PCDHGC4: variants seen among roughly 807,000 people sequenced by gnomAD.
The protein encoded by PCDHGC4 is protocadherin gamma-C4.
A neutral mutation model predicts 59.7 loss-of-function variants in PCDHGC4; 15 were observed. The observed-to-expected ratio is 0.25, with a 90% CI of 0.17 to 0.39. The LOEUF (loss-of-function observed/expected upper bound fraction) is 0.39, where lower values mean the gene tolerates loss of function less well. Among genes scored for constraint, PCDHGC4 ranks in the 10% least tolerant of loss-of-function variants. The pLI, the probability that PCDHGC4 is intolerant of heterozygous loss-of-function variation, is 1.00. For missense variants in PCDHGC4, 1,016 were observed against 1,189.5 expected (o/e 0.85, Z 2.15); for synonymous variants, 434 against 481.4 (o/e 0.90, Z 1.29).
At chr5:141,495,719 C>T (rs929450759) in intron 2 of PCDHGC4, among the ~76,000 whole-genome samples, 12 of 152,150 alleles carry the variant, frequency 7.9e-5, no homozygotes, top group African/African-American at 2.4e-5. Context: ...AGTAACTACA[C>T]GGGACCCTTA....
At chr5:141,510,358 C>T (rs186470331) in intron 3 of PCDHGC4, among the ~76,000 whole-genome samples, 187 of 144,062 alleles carry the variant, frequency 1.3e-3, no homozygotes, top group African/African-American at 4.6e-3. Context: ...ACTAACGGAA[C>T]TACCGAATCT....
At chr5:141,497,983 C>T (rs2099780927) in intron 2 of PCDHGC4, among the ~76,000 whole-genome samples, 1 of 152,168 alleles carries the variant, frequency 6.6e-6, no homozygotes, top group African/African-American at 2.4e-5. Context: ...GTGGGAGGCC[C>T]CTGCCCTCAA....
chr5:141,485,586 TG>T lies in PCDHGC4; in HGVS notation c.415del (p.Asp139ThrfsTer34). The T allele has an allele frequency of 6.2e-7, 1 of 1,612,402 alleles. No homozygotes were observed. Among genetic ancestry groups the T allele is most frequent in the Non-Finnish European group, 8.5e-7 (1 of 1,178,600 alleles). ...DHAPRFPRQQ[L>X]DLEIGEAAPP... Reference sequence around the variant, plus strand: ...GCCCCCCGTTTTCCGCGGCAGCAGCTGGACTTGGAAATTGGGGAGGCAGCTC... The same window carrying T: ...GCCCCCCGTTTTCCGCGGCAGCAGCTGACTTGGAAATTGGGGAGGCAGCTC... On this transcript the variant is annotated frameshift_variant, in exon 1 of 4. Coordinates refer to ENST00000306593, the MANE Select transcript of PCDHGC4 (RefSeq NM_018928.3). LOFTEE classifies it high-confidence loss of function. The surrounding 1 kb of genome is among the most constrained non-coding windows in gnomAD (Gnocchi z 5.7).
At chr5:141,503,263 C>T (rs2099818883) in intron 2 of PCDHGC4, among the ~76,000 whole-genome samples, 2 of 152,212 alleles carry the variant, frequency 1.3e-5, no homozygotes, top group South Asian at 4.2e-4. Context: ...GCCACAACCC[C>T]AGCACCTGGC....
Position 141,485,060 on chromosome 5 carries a change from G to T in PCDHGC4, c.-114G>T. The T allele has an allele frequency of 1.2e-6, 1 of 862,304 alleles. No individual in the cohort carries two copies. 53.4% of individuals were successfully genotyped at this position (862,304 alleles called of 1,614,324 possible). ...ACCCTTGCGGCGCCGGCCGAACCGC[G>T]CCAGAGCTGGCGCGGGGAAAGGGAG... On this transcript the variant is annotated 5_prime_UTR_variant, in exon 1 of 4. Coordinates refer to ENST00000306593, the MANE Select transcript of PCDHGC4 (RefSeq NM_018928.3). The surrounding 1 kb of genome is among the most constrained non-coding windows in gnomAD (Gnocchi z 5.7).
At chr5:141,496,509 C>A (rs955577717) in intron 2 of PCDHGC4, among the ~76,000 whole-genome samples, 3 of 152,168 alleles carry the variant, frequency 2.0e-5, no homozygotes, top group Non-Finnish European at 4.4e-5. Context: ...GCCACAAGGA[C>A]CCAGGAGCCC....
At position 141,491,682 on chromosome 5, in the gene PCDHGC4, G is replaced by A. The variant is rs11952292; in HGVS notation, c.2443-3125G>A. The A allele has an allele frequency of 1.9e-6, 3 of 1,613,150 alleles. No individual in the cohort carries two copies. Among genetic ancestry groups the A allele is most frequent in the South Asian group, 1.1e-5 (1 of 91,046 alleles). On this transcript the variant is annotated intron_variant, in intron 1 of 3. Coordinates refer to ENST00000306593, the MANE Select transcript of PCDHGC4 (RefSeq NM_018928.3). The surrounding 1 kb of genome is among the most constrained non-coding windows in gnomAD (Gnocchi z 6.9). Reference sequence around the variant, plus strand: ...ACGCCATCCGGTCCCGCTCTAATACGCTGCGGGAGCGGAGCCAGGTGAGGG... The same window carrying A: ...ACGCCATCCGGTCCCGCTCTAATACACTGCGGGAGCGGAGCCAGGTGAGGG...
In PCDHGC4 at chr5:141,487,598, C is replaced by T. The variant is rs1450685717; in HGVS notation, c.2425C>T (p.Leu809Phe). 6.2e-7 allele frequency: 1 copy of T among 1,614,210 alleles called. No homozygotes were observed. The highest frequency in any genetic ancestry group is 8.5e-7 in the Non-Finnish European group (1 of 1,180,046). Reference protein sequence around the residue: ...PVRPSCPPSDLLYGLEQAPPN... With the variant: ...PVRPSCPPSDFLYGLEQAPPN... ...TCGCCCAAGCTGCCCACCCTCTGAT[C>T]TTCTCTATGGGCTAGAGGTGAGACC... is the stretch of plus-strand genomic sequence containing the variant. Residue 809 changes from leucine (L) to phenylalanine (F), a missense_variant, in exon 1 of 4, where the codon CTT becomes TTT. Leu to Phe is a conservative substitution (Grantham distance 22, BLOSUM62 0). Transcript: ENST00000306593. The surrounding 1 kb of genome is among the most constrained non-coding windows in gnomAD (Gnocchi z 5.0).
In PCDHGC4 at chr5:141,489,255, A is replaced by G. The variant is rs909780010; in HGVS notation, c.2442+1640A>G. 2 of 1,548,804 alleles carry G rather than the reference A, an allele frequency of 1.3e-6. No individual in the cohort carries two copies. Among genetic ancestry groups the G allele is most frequent in the Non-Finnish European group, 1.7e-6 (2 of 1,147,848 alleles). On this transcript the variant is annotated intron_variant, in intron 1 of 3. Coordinates refer to ENST00000306593, the MANE Select transcript of PCDHGC4 (RefSeq NM_018928.3). The surrounding 1 kb of genome is among the most constrained non-coding windows in gnomAD (Gnocchi z 4.5). ...ACTTCTGGGTCATGGGGCCCAAGAC[A>G]CTCCCACAGCTCGCTGGGAAATGGC...
In PCDHGC4 at chr5:141,487,258, G is replaced by T. The variant is rs368598017; in HGVS notation, c.2085G>T (p.Val695=). Residue 695 remains valine (V), a synonymous_variant, in exon 1 of 4, where the codon GTG becomes GTT. Transcript: ENST00000306593. The surrounding 1 kb of genome is among the most constrained non-coding windows in gnomAD (Gnocchi z 5.0). ...GESRLTLYLA[V]SLVAICFVSF... ...CTCGTCTAACCCTCTACTTGGCTGT[G>T]TCCCTAGTGGCAATTTGCTTTGTCT... 1.5e-4 allele frequency: 240 copies of T among 1,614,026 alleles called. 1 individual carries two copies. The highest frequency in any genetic ancestry group is 3.3e-5 in the Admixed American group (2 of 60,004).
At position 141,495,662 on chromosome 5, in the gene PCDHGC4, C is replaced by T. The variant is rs545912968; in HGVS notation, c.2501+797C>T. The stretch of plus-strand genomic sequence containing the variant: ...TTTGTCTACTTGCATTGATCTGTGC[C>T]GCCCACTGTGCCTGCCATGGCATAA... On this transcript the variant is annotated intron_variant, in intron 2 of 3. Coordinates refer to ENST00000306593, the MANE Select transcript of PCDHGC4 (RefSeq NM_018928.3). Among the ~76,000 whole-genome samples, 8 of 152,256 alleles carry T rather than the reference C, an allele frequency of 5.3e-5. No individual in the cohort carries two copies. In the South Asian group the frequency reaches 6.2e-4, roughly 12 times the overall value.
In PCDHGC4 at chr5:141,485,972, T is replaced by G; in HGVS notation, c.799T>G (p.Ser267Ala). Reference protein sequence around the residue: ...AGMVLIQLNASDPDLGPSGNV... With the variant: ...AGMVLIQLNAADPDLGPSGNV... ...CATGGTGCTCATCCAGCTCAATGCC[T>G]CAGACCCGGACCTGGGTCCCAGTGG... The change falls in exon 1 of 4, where the codon TCA becomes GCA. Residue 267 changes from serine to alanine, a missense_variant. By Grantham distance (99) the Ser-to-Ala change is moderately conservative. Transcript: ENST00000306593. The surrounding 1 kb of genome is among the most constrained non-coding windows in gnomAD (Gnocchi z 5.7). 1 of 1,614,184 alleles carries G rather than the reference T, an allele frequency of 6.2e-7. No individual in the cohort carries two copies. Among genetic ancestry groups the G allele is most frequent in the Non-Finnish European group, 8.5e-7 (1 of 1,180,022 alleles).
Position 141,489,268 on chromosome 5 carries a change from G to T in PCDHGC4, c.2442+1653G>T. On this transcript the variant is annotated intron_variant, in intron 1 of 3. Transcript: ENST00000306593. This position sits in a 1 kb window ranked among gnomAD's most constrained non-coding sequence, Gnocchi z 4.5. The stretch of plus-strand genomic sequence containing the variant: ...GGGGCCCAAGACACTCCCACAGCTC[G>T]CTGGGAAATGGCAAGTGCTGTGCAT... The T allele has an allele frequency of 3.9e-6, 6 of 1,553,284 alleles. No homozygotes were observed. The South Asian group carries it at 5.0e-5, about 13-fold the overall frequency.
Position 141,489,968 on chromosome 5 carries a change from A to G in PCDHGC4, c.2442+2353A>G. 6.2e-7 allele frequency: 1 copy of G among 1,614,146 alleles called. No homozygotes were observed. The highest frequency in any genetic ancestry group is 2.2e-5 in the East Asian group (1 of 44,880). On this transcript the variant is annotated intron_variant, in intron 1 of 3. Coordinates refer to ENST00000306593, the MANE Select transcript of PCDHGC4 (RefSeq NM_018928.3). This position sits in a 1 kb window ranked among gnomAD's most constrained non-coding sequence, Gnocchi z 4.5. Reference sequence around the variant, plus strand: ...ATCAATGATAATGCTCCAACCTTCCAATCCTCAGTTCTACGTGTGGGAATC... The same window carrying G: ...ATCAATGATAATGCTCCAACCTTCCGATCCTCAGTTCTACGTGTGGGAATC...
intron 1 of PCDHGC4, among the ~76,000 whole-genome samples, chr5:141,492,084 G>C (rs979755390): frequency 2.0e-5 from 3 of 152,236 alleles, no homozygotes; most frequent in African/African-American, 7.2e-5. Flanking sequence ...GCTCCGGCAC[G>C]CTTCGCCGGT....
intron 2 of PCDHGC4, among the ~76,000 whole-genome samples, chr5:141,504,179 A>C (rs1247627456): frequency 6.6e-6 from 1 of 152,240 alleles, no homozygotes; most frequent in Non-Finnish European, 1.5e-5. Context: ...AATTCAAAAA[A>C]ATCATGAAAA....
rs2154591356 is a variant in PCDHGC4, at chr5:141,493,972, C to G, written c.2443-835C>G. Among the ~76,000 whole-genome samples, 6 of 152,276 alleles carry G rather than the reference C, an allele frequency of 3.9e-5. No homozygotes were observed. In the Middle Eastern group the frequency reaches 0.014, roughly 345 times the overall value. On this transcript the variant is annotated intron_variant, in intron 1 of 3. Coordinates refer to ENST00000306593, the MANE Select transcript of PCDHGC4 (RefSeq NM_018928.3). This position sits in a 1 kb window ranked among gnomAD's most constrained non-coding sequence, Gnocchi z 4.3. ...CAGGAATGAAGTGGCTGGCCAGAGC[C>G]CCACACCTTCAGCTAGGTGGGAGAT...
At chr5:141,502,708 A>G (rs1172090234) in intron 2 of PCDHGC4, among the ~76,000 whole-genome samples, 1 of 152,204 alleles carries the variant, frequency 6.6e-6, no homozygotes, top group Non-Finnish European at 1.5e-5. Flanking sequence ...CTGTTTTTAC[A>G]TCAGTGATTA....
chr5:141,506,228 A>T (rs538354130), intron 3 of PCDHGC4, among the ~76,000 whole-genome samples: 1 of 152,266 alleles, frequency 6.6e-6, no homozygotes, highest in East Asian at 1.9e-4. Context: ...AGGCAGGAGG[A>T]TCATGAGGTC....
Sources: gnomAD v4.1 joint callset for allele counts (sites outside exome capture counted in the v4.1 genomes callset) on GRCh38, gnomAD v4.1.1 for gene constraint, Gnocchi (gnomAD v3.1) non-coding constraint, MANE v1.5 for transcripts, NCBI Gene and HGNC (gene_info 2026-07-23, HGNC 2026-07-21) for gene names.